Variants in MYBPC2 observed in about 807,000 individuals in gnomAD.
MYBPC2 encodes the protein myosin-binding protein C, fast-type.
In MYBPC2, 122 loss-of-function variants were observed where a neutral mutation model predicts 137.0. That is an observed-to-expected ratio of 0.89 (90% CI 0.77 to 1.03). MYBPC2 has a LOEUF of 1.03. Ranked by LOEUF, MYBPC2 falls within the 50% of genes least tolerant of loss-of-function variation. The pLI, the probability that MYBPC2 is intolerant of heterozygous loss-of-function variation, is 0.00. For synonymous variants in MYBPC2, 626 were observed against 612.3 expected, an observed-to-expected ratio of 1.02 and a Z score of -0.33; for missense variants, 1,500 against 1,534.4, an observed-to-expected ratio of 0.98 and a Z score of 0.37.
rs1389143844 is a variant in MYBPC2 at position 50,465,090 on chromosome 19, C to T, written c.3415+558C>T. Among the ~76,000 whole-genome samples, 1 of 152,128 alleles carries T rather than the reference C, an allele frequency of 6.6e-6. No homozygotes were observed. The highest frequency in any genetic ancestry group is 1.5e-5 in the Non-Finnish European group (1 of 68,024). On this transcript the variant is annotated intron_variant, in intron 27 of 27. Coordinates refer to ENST00000357701, the MANE Select transcript of MYBPC2 (RefSeq NM_004533.4). This position sits in a 1 kb window ranked among gnomAD's most constrained non-coding sequence, Gnocchi z 4.5. ...GTCTCTCCCTCCTGCCAGCCACTTT[C>T]ACCCTTGGACTCTGGCCCCAGAGAG...
At chr19:50,460,822 C>T (rs1015911282) in intron 24 of MYBPC2, among the ~76,000 whole-genome samples, 2 of 151,976 alleles carry the variant, frequency 1.3e-5, no homozygotes, top group African/African-American at 4.8e-5. Context: ...ATCTCAGCCT[C>T]CCATGTAGCT....
At chr19:50,449,991 T>C (rs1273649443) in intron 13 of MYBPC2, among the ~76,000 whole-genome samples, 1 of 152,006 alleles carries the variant, frequency 6.6e-6, no homozygotes, top group Non-Finnish European at 1.5e-5. Flanking sequence ...CCCCCATCTC[T>C]ACAAAAAATA....
At chr19:50,437,556 G>A (rs368155319) in intron 6 of MYBPC2, 35 bp downstream of exon 6, 2 of 1,603,450 alleles carry the variant, frequency 1.2e-6, no homozygotes, top group African/African-American at 2.7e-5. Context: ...GGGTCCCAAG[G>A]ACCATGGGAG....
rs898698578 is a variant in MYBPC2, at chr19:50,455,727, T to G, written c.2338+83T>G. 3.2e-6 allele frequency: 5 copies of G among 1,563,220 alleles called. No homozygotes were observed. In the Admixed American group the frequency reaches 8.9e-5, roughly 28 times the overall value. ...CCAGGGAGCTGAAAATAGGACCATG[T>G]GGGACAGAGATGGGTGCAGTGGCCT... On this transcript the variant is annotated intron_variant, in intron 20 of 27. Coordinates refer to ENST00000357701, the MANE Select transcript of MYBPC2 (RefSeq NM_004533.4).
intron 26 of MYBPC2, among the ~76,000 whole-genome samples, chr19:50,463,408 TG>T (rs2039987609): frequency 6.6e-6 from 1 of 152,222 alleles, no homozygotes; most frequent in African/African-American, 2.4e-5. Context: ...CACTCATTCA[TG>T]TCACTCATTC....
intron 16 of MYBPC2, 93 bp from the exon 17 acceptor site, chr19:50,453,927 A>G (rs2039882956): frequency 7.2e-7 from 1 of 1,382,700 alleles, no homozygotes; most frequent in Middle Eastern, 2.0e-4. Flanking sequence ...ATGGGGAATC[A>G]TGGGAGGATT....
chr19:50,446,678 G>T (rs1262577391), intron 12 of MYBPC2, among the ~76,000 whole-genome samples: 1 of 151,058 alleles, frequency 6.6e-6, no homozygotes, highest in Non-Finnish European at 1.5e-5. Flanking sequence ...AAATTAGCTG[G>T]GTGTGGTGGC....
chr19:50,452,495 T>C (rs560002736), intron 16 of MYBPC2, among the ~76,000 whole-genome samples: 1 of 73,744 alleles, frequency 1.4e-5, no homozygotes, highest in Admixed American at 1.6e-4. Flanking sequence ...TATGTATGTA[T>C]GTATGTATGT....
At chr19:50,458,259 A>G (rs2122613036) in intron 20 of MYBPC2, among the ~76,000 whole-genome samples, 1 of 150,826 alleles carries the variant, frequency 6.6e-6, no homozygotes, top group South Asian at 2.1e-4. Flanking sequence ...GCAGTGAGCC[A>G]AGATCTTGCC....
At chr19:50,463,419 C>T (rs1471451105) in intron 26 of MYBPC2, among the ~76,000 whole-genome samples, 1 of 152,202 alleles carries the variant, frequency 6.6e-6, no homozygotes, top group African/African-American at 2.4e-5. Context: ...GTCACTCATT[C>T]CACTCATTTA....
At chr19:50,453,916 G>A in intron 16 of MYBPC2, 104 bp from the exon 17 acceptor site, 1 of 1,313,202 alleles carries the variant, frequency 7.6e-7, no homozygotes, top group South Asian at 1.4e-5. Flanking sequence ...TCTGTGTGTT[G>A]ATGGGGAATC....
At position 50,459,169 on chromosome 19, in the gene MYBPC2, G is replaced by A. The variant is rs998326884; in HGVS notation, c.2654G>A (p.Arg885His). The change falls in exon 23 of 28, where the codon CGC becomes CAC. Residue 885 changes from arginine to histidine, a missense_variant. Arg to His is a conservative substitution (Grantham distance 29). Transcript: ENST00000357701. Reference protein sequence around the residue: ...TKGGAPLDTSRVHVRTSDFDT... With the variant: ...TKGGAPLDTSHVHVRTSDFDT... ...GGCGGGGCCCCGCTGGACACCTCCC[G>A]CGTGCACGTGCGGACCAGCGACTTC... is the stretch of plus-strand genomic sequence containing the variant. 9.4e-6 allele frequency: 15 copies of A among 1,589,482 alleles called. No homozygotes were observed. Among genetic ancestry groups the A allele is most frequent in the Non-Finnish European group, 1.2e-5 (14 of 1,169,214 alleles).
Position 50,443,511 on chromosome 19 carries a change from T to C in MYBPC2, c.920T>C (p.Val307Ala), listed in dbSNP as rs976232072. ...KPSSKYVFEN[V>A]GKKRILTINK... ...TGAATCAGGTACGTGTTTGAGAACGTTGGTAAGAAGCGAATTCTTACCATC... is the reference window on the plus strand; with the variant it reads ...TGAATCAGGTACGTGTTTGAGAACGCTGGTAAGAAGCGAATTCTTACCATC... Residue 307 changes from valine (V) to alanine (A), a missense_variant, in exon 10 of 28, where the codon GTT becomes GCT. Coordinates refer to ENST00000357701, the MANE Select transcript of MYBPC2 (RefSeq NM_004533.4). 13 of 1,613,222 alleles carry C rather than the reference T, an allele frequency of 8.1e-6. No homozygotes were observed. The highest frequency in any genetic ancestry group is 2.7e-5 in the African/African-American group (2 of 74,882).
At chr19:50,462,593 TTTC>T (rs1211505831) in intron 26 of MYBPC2, among the ~76,000 whole-genome samples, 1 of 152,012 alleles carries the variant, frequency 6.6e-6, no homozygotes, top group East Asian at 1.9e-4. Context: ...TCCTTCTTTC[TTTC>T]TTTTTTTTTC....
intron 7 of MYBPC2, among the ~76,000 whole-genome samples, chr19:50,440,323 A>AAAAT (rs58778063): frequency 0.28 from 38,387 of 138,822 alleles, 5,485 homozygotes; most frequent in Middle Eastern, 0.33. Context: ...CTGTGGAAAT[A>AAAAT]AAATAAATAA....
rs2122620463 is a variant in MYBPC2, at chr19:50,461,992, G to A, written c.3184G>A (p.Gly1062Arg). 3 of 1,575,194 alleles carry A rather than the reference G, an allele frequency of 1.9e-6. No homozygotes were observed. Among genetic ancestry groups the A allele is most frequent in the East Asian group, 4.7e-5 (2 of 42,732 alleles). Reference protein sequence around the residue: ...TPLIDRVVVAGYSAALNCAVR... With the variant: ...TPLIDRVVVARYSAALNCAVR... The stretch of plus-strand genomic sequence containing the variant: ...TCTCATAGACCGCGTGGTCGTGGCT[G>A]GGTACTCGGCAGCCCTCAACTGTGC... The change falls in exon 26 of 28, where the codon GGG becomes AGG. Residue 1062 changes from glycine (G) to arginine (R), a missense_variant. Gly to Arg is a moderately radical substitution (Grantham distance 125, BLOSUM62 -2). Coordinates refer to ENST00000357701, the MANE Select transcript of MYBPC2 (RefSeq NM_004533.4).
Position 50,455,530 on chromosome 19 carries a change from C to A in MYBPC2, c.2224C>A (p.His742Asn), listed in dbSNP as rs2122607874. The A allele has an allele frequency of 6.2e-7, 1 of 1,613,916 alleles. No individual in the cohort carries two copies. Among genetic ancestry groups the A allele is most frequent in the African/African-American group, 1.3e-5 (1 of 75,058 alleles). ...MPIAPTSEPL[H>N]LIVEDVTDTT... is the part of the protein sequence containing the mutation. The stretch of plus-strand genomic sequence containing the variant: ...TGCAGCACCCACGAGTGAACCCCTG[C>A]ACCTGATAGTGGAGGATGTGACAGA... Residue 742 changes from histidine to asparagine, a missense_variant, in exon 20 of 28, where the codon CAC becomes AAC. Physicochemically the swap from His to Asn is moderately conservative, Grantham distance 68. Coordinates refer to ENST00000357701, the MANE Select transcript of MYBPC2 (RefSeq NM_004533.4).
intron 7 of MYBPC2, among the ~76,000 whole-genome samples, chr19:50,440,045 G>T (rs1041607748): frequency 2.0e-5 from 3 of 152,132 alleles, no homozygotes; most frequent in Non-Finnish European, 4.4e-5. Flanking sequence ...CTTGGTTCAG[G>T]TGACTTTGGG....
rs1243781605 is a variant in MYBPC2 at position 50,451,779 on chromosome 19, C to G, written c.1610-85C>G. ...CCTGTGTCTCTGTCACTGTTGGAAC[C>G]CAACTTTTTGGAGATTCTCTTGTGG... On this transcript the variant is annotated intron_variant, in intron 15 of 27. Coordinates refer to ENST00000357701, the MANE Select transcript of MYBPC2 (RefSeq NM_004533.4). 5 of 1,534,320 alleles carry G rather than the reference C, an allele frequency of 3.3e-6. No individual in the cohort carries two copies. In the Admixed American group the frequency reaches 1.0e-4, roughly 31 times the overall value.
Sources: allele counts gnomAD v4.1 joint callset (sites outside exome capture counted in the v4.1 genomes callset), GRCh38; gene constraint gnomAD v4.1.1; non-coding constraint Gnocchi (gnomAD v3.1); transcripts MANE v1.5; gene names NCBI Gene and HGNC (gene_info 2026-07-23, HGNC 2026-07-21).